Variants in CDO1 observed in about 807,000 individuals in gnomAD.
CDO1 encodes cysteine dioxygenase type 1, also known as cysteine dioxygenase, type I.
Under a neutral mutation model 24.5 loss-of-function variants are expected in CDO1, and 19 were observed. That is an observed-to-expected ratio of 0.77 (90% CI 0.54 to 1.14). The LOEUF (loss-of-function observed/expected upper bound fraction) is 1.14. Ranked by LOEUF, CDO1 falls within the 50% of genes most tolerant of loss-of-function variation. The probability of loss-of-function intolerance (pLI) is 0.00; values close to 1 mark genes in which losing one functional copy is unlikely to be tolerated. For synonymous variants in CDO1, 91 were observed against 87.0 expected, an observed-to-expected ratio of 1.05 and a Z score of -0.26; for missense variants, 244 against 244.8, an observed-to-expected ratio of 1.00 and a Z score of 0.02.
At chr5:115,813,788 C>A (rs1760306220) in intron 1 of CDO1, 1 of 153,370 alleles carries the variant, frequency 6.5e-6, no homozygotes, top group Non-Finnish European at 1.4e-5. Context: ...GGGGGCTGAT[C>A]TAACTACCAG....
Position 115,805,347 on chromosome 5 carries a change from C to A in CDO1, c.*86G>T. 1 of 1,138,326 alleles carries A rather than the reference C, an allele frequency of 8.8e-7. No individual in the cohort carries two copies. Among genetic ancestry groups the A allele is most frequent in the South Asian group, 1.3e-5 (1 of 76,612 alleles). The allele number at this position is 1,138,326 out of a possible 1,614,324, so 70.5% of individuals were successfully genotyped here. ...AGTATTGGCTTATTTAAGTATATTA[C>A]TGGATAGCACGTGGTAGGTAGCCTT... is the stretch of plus-strand genomic sequence containing the variant. On this transcript the variant is annotated 3_prime_UTR_variant, in exon 5 of 5. Transcript: ENST00000250535.
intron 3 of CDO1, among the ~76,000 whole-genome samples, chr5:115,809,318 G>A (rs960432491): frequency 5.9e-5 from 9 of 151,902 alleles, no homozygotes; most frequent in African/African-American, 2.2e-4. Flanking sequence ...TTTTCTTGGG[G>A]GTATTTATGA....
Position 115,805,380 on chromosome 5 carries a change from A to C in CDO1, c.*53T>G, listed in dbSNP as rs1025154848. On this transcript the variant is annotated 3_prime_UTR_variant, in exon 5 of 5. Transcript: ENST00000250535. Reference sequence around the variant, plus strand: ...CACGTGGTAGGTAGCCTTTTTGTCCAAGGCAAACATACAGCGAACCTTAAA... The same window carrying C: ...CACGTGGTAGGTAGCCTTTTTGTCCCAGGCAAACATACAGCGAACCTTAAA... The C allele has an allele frequency of 1.5e-5, 23 of 1,555,514 alleles. No individual in the cohort carries two copies. The African/African-American group carries it at 2.5e-4, about 17-fold the overall frequency.
At chr5:115,810,063 G>T (rs1306036294) in intron 3 of CDO1, among the ~76,000 whole-genome samples, 1 of 152,182 alleles carries the variant, frequency 6.6e-6, no homozygotes, top group Non-Finnish European at 1.5e-5. Flanking sequence ...GACTCCAGCT[G>T]AAAGTAATTA....
intron 3 of CDO1, among the ~76,000 whole-genome samples, chr5:115,808,870 T>G (rs1192086366): frequency 6.6e-6 from 1 of 152,240 alleles, no homozygotes; most frequent in Admixed American, 6.5e-5. Context: ...CATGAGGCTT[T>G]GTGCTTTCTT....
chr5:115,809,397 A>T (rs1274034715), intron 3 of CDO1, among the ~76,000 whole-genome samples: 1 of 152,004 alleles, frequency 6.6e-6, no homozygotes, highest in African/African-American at 2.4e-5. Context: ...TCCTTGCCCC[A>T]GTCCTCCCTT....
chr5:115,814,172 C>G (rs1760323750), intron 1 of CDO1: 1 of 152,122 alleles, frequency 6.6e-6, no homozygotes, highest in Non-Finnish European at 1.5e-5. Flanking sequence ...TCCTCCCCAC[C>G]CCGAGGTGTC....
In CDO1 at chr5:115,816,404, G is replaced by T; in HGVS notation, c.-7C>A. Reference sequence around the variant, plus strand: ...GCACTTCGGTCTGTTCCATCTCGTGGGGAGCTGGCTGCGCGCGCGTCTCAC... The same window carrying T: ...GCACTTCGGTCTGTTCCATCTCGTGTGGAGCTGGCTGCGCGCGCGTCTCAC... On this transcript the variant is annotated 5_prime_UTR_variant, in exon 1 of 5. Coordinates refer to ENST00000250535, the MANE Select transcript of CDO1 (RefSeq NM_001801.3). 6.2e-7 allele frequency: 1 copy of T among 1,611,750 alleles called. No individual in the cohort carries two copies. Among genetic ancestry groups the T allele is most frequent in the South Asian group, 1.1e-5 (1 of 91,048 alleles).
rs183003674 is a variant in CDO1, at chr5:115,806,949, A to G, written c.404-431T>C. 1.8e-4 allele frequency among the ~76,000 whole-genome samples: 28 copies of G among 152,340 alleles called. No homozygotes were observed. The East Asian group carries it at 5.4e-3, about 29-fold the overall frequency. On this transcript the variant is annotated intron_variant, in intron 3 of 4. Coordinates refer to ENST00000250535, the MANE Select transcript of CDO1 (RefSeq NM_001801.3). ...GGTACTTCTGGAAATGAGGGTAAAGATAGGCTGTAGATATAAGAACTGGTT... is the reference window on the plus strand; with the variant it reads ...GGTACTTCTGGAAATGAGGGTAAAGGTAGGCTGTAGATATAAGAACTGGTT...
chr5:115,810,807 T>C (rs893050921), intron 3 of CDO1, among the ~76,000 whole-genome samples: 2 of 152,216 alleles, frequency 1.3e-5, no homozygotes, highest in Non-Finnish European at 1.5e-5. Flanking sequence ...CTTAATTAGT[T>C]ACAGAACATT....
chr5:115,816,480 G>T lies in CDO1; in HGVS notation c.-83C>A, dbSNP rs1208390306. 5.5e-6 allele frequency: 8 copies of T among 1,456,010 alleles called. No individual in the cohort carries two copies. Among genetic ancestry groups the T allele is most frequent in the Middle Eastern group, 4.1e-4 (2 of 4,886 alleles). 90.2% of individuals were successfully genotyped at this position (1,456,010 alleles called of 1,614,324 possible). A position where few individuals can be genotyped will look rare whatever the true frequency, so the allele number is the denominator to read the frequency against. ...GCGAGCCAAGGAGCTGGGGGCGAGGGAGCCTAACAGCCCGCTAGACCGCTA... is the reference window on the plus strand; with the variant it reads ...GCGAGCCAAGGAGCTGGGGGCGAGGTAGCCTAACAGCCCGCTAGACCGCTA... On this transcript the variant is annotated 5_prime_UTR_variant, in exon 1 of 5. Transcript: ENST00000250535.
rs746248283 is a variant in CDO1 at position 115,813,255 on chromosome 5, A to G, written c.174T>C (p.Tyr58=). 2.6e-6 allele frequency: 4 copies of G among 1,554,694 alleles called. No homozygotes were observed. The highest frequency in any genetic ancestry group is 3.4e-5 in the Admixed American group (2 of 59,486). Residue 58 remains tyrosine, a synonymous_variant, in exon 2 of 5, where the codon TAT becomes TAC. Coordinates refer to ENST00000250535, the MANE Select transcript of CDO1 (RefSeq NM_001801.3). ...AMYAKFDQYR[Y]TRNLVDQGNG... ...TTCCTTGATCCACAAGATTTCGGGT[A>G]TACCTAAAAAAAAACAATATATTCA...
chr5:115,816,268 G>A lies in CDO1; in HGVS notation c.130C>T (p.Pro44Ser), dbSNP rs1760439760. ...TTGGCGTACATTGCCCACTCGGTGG[G>A]GTCGCTCTCGTAGGCTTCCATGATG... is the stretch of plus-strand genomic sequence containing the variant. The part of the protein sequence containing the change: ...QAIMEAYESD[P>S]TEWAMYAKFD... The change falls in exon 1 of 5, where the codon CCC becomes TCC. Residue 44 changes from proline (P) to serine (S), a missense_variant. Pro to Ser is a moderately conservative substitution (Grantham distance 74). Transcript: ENST00000250535. 2 of 1,614,154 alleles carry A rather than the reference G, an allele frequency of 1.2e-6. No homozygotes were observed. The highest frequency in any genetic ancestry group is 2.7e-5 in the African/African-American group (2 of 75,050).
intron 1 of CDO1, among the ~76,000 whole-genome samples, chr5:115,814,640 T>C (rs1254994362): frequency 2.0e-5 from 3 of 152,166 alleles, no homozygotes; most frequent in African/African-American, 7.2e-5. Context: ...TTCAAAAGCT[T>C]TAGAGTTTGT....
At chr5:115,815,455 A>C (rs1423998421) in intron 1 of CDO1, among the ~76,000 whole-genome samples, 1 of 152,188 alleles carries the variant, frequency 6.6e-6, no homozygotes, top group African/African-American at 2.4e-5. Context: ...GATAAGATAA[A>C]TCAGATCATT....
chr5:115,809,303 T>G lies in CDO1; in HGVS notation c.403+1858A>C, dbSNP rs181468457. 1.1e-4 allele frequency among the ~76,000 whole-genome samples: 16 copies of G among 152,290 alleles called. No homozygotes were observed. In the East Asian group the frequency reaches 3.1e-3, roughly 29 times the overall value. On this transcript the variant is annotated intron_variant, in intron 3 of 4. Coordinates refer to ENST00000250535, the MANE Select transcript of CDO1 (RefSeq NM_001801.3). ...GGTGTACCCTCTGTCACAGTAATAC[T>G]GGACTTTTCTTGGGGGTATTTATGA...
intron 3 of CDO1, among the ~76,000 whole-genome samples, chr5:115,808,072 C>T (rs745946794): frequency 1.3e-5 from 2 of 152,140 alleles, no homozygotes; most frequent in African/African-American, 2.4e-5. Flanking sequence ...CTCCACCTCC[C>T]GGGCTCAAGT....
In CDO1 at chr5:115,811,249, T is replaced by C. The variant is rs1303630549; in HGVS notation, c.315A>G (p.Thr105=). The C allele has an allele frequency of 1.2e-6, 2 of 1,613,270 alleles. No homozygotes were observed. The highest frequency in any genetic ancestry group is 1.7e-6 in the Non-Finnish European group (2 of 1,179,404). ...ATTTTTTGTCAGGCCAGGCAAATAA[T>C]GTCTCCTTTAGATTTCCCTGTAGCA... ...LKMLQGNLKE[T]LFAWPDKKSN... Residue 105 remains threonine, a synonymous_variant, in exon 3 of 5, where the codon ACA becomes ACG. Coordinates refer to ENST00000250535, the MANE Select transcript of CDO1 (RefSeq NM_001801.3).
chr5:115,812,221 T>C (rs1165239090), intron 2 of CDO1, among the ~76,000 whole-genome samples: 1 of 152,242 alleles, frequency 6.6e-6, no homozygotes, highest in East Asian at 1.9e-4. Flanking sequence ...AAATGCACTC[T>C]ACAGACCTAA....
Sources: gnomAD v4.1 joint callset for allele counts (sites outside exome capture counted in the v4.1 genomes callset) on GRCh38, gnomAD v4.1.1 for gene constraint, MANE v1.5 for transcripts, NCBI Gene and HGNC (gene_info 2026-07-23, HGNC 2026-07-21) for gene names.